The following ALDH9A1 variants were observed in gnomAD, a reference collection of about 807,000 sequenced individuals.
The protein encoded by ALDH9A1 is aldehyde dehydrogenase 9 family member A1, also known as 4-trimethylaminobutyraldehyde dehydrogenase.
ALDH9A1 carries 42 observed loss-of-function variants against 56.6 expected under a neutral mutation model. That is an observed-to-expected ratio of 0.74 (90% CI 0.58 to 0.96). The LOEUF (loss-of-function observed/expected upper bound fraction) is 0.96, where lower values mean the gene tolerates loss of function less well. Ranked by LOEUF, ALDH9A1 falls within the 40% of genes least tolerant of loss-of-function variation. ALDH9A1 has a pLI of 0.00. For missense variants in ALDH9A1, 661 were observed against 651.5 expected (o/e 1.01, Z -0.16); for synonymous variants, 242 against 236.0 (o/e 1.03, Z -0.23).
chr1:165,692,980 A>T (rs1358422755), intron 2 of ALDH9A1, among the ~76,000 whole-genome samples: 2 of 151,978 alleles, frequency 1.3e-5, no homozygotes. Flanking sequence ...TTCCCTATTT[A>T]ATAAATGGTG....
chr1:165,665,309 C>A, intron 9 of ALDH9A1, 179 bp from the exon 10 acceptor site: 1 of 569,590 alleles, frequency 1.8e-6, no homozygotes, highest in South Asian at 2.2e-5. Flanking sequence ...TTTATAGTCC[C>A]ATGCACATGG....
At chr1:165,695,173 A>G (rs559518215) in intron 2 of ALDH9A1, 79 bp downstream of exon 2, 2 of 1,452,214 alleles carry the variant, frequency 1.4e-6, no homozygotes, top group African/African-American at 1.5e-5. Flanking sequence ...CTAATGTTGC[A>G]ACAAAGTCGA....
intron 6 of ALDH9A1, 152 bp from the exon 7 acceptor site, chr1:165,669,602 TGAATAA>T (rs2101736727): frequency 2.6e-6 from 2 of 758,100 alleles, no homozygotes; most frequent in East Asian, 2.9e-5. Flanking sequence ...GTCTCCATAC[TGAATAA>T]GAAGGATCAC....
At chr1:165,675,150 G>A (rs1395640532) in intron 6 of ALDH9A1, among the ~76,000 whole-genome samples, 2 of 152,076 alleles carry the variant, frequency 1.3e-5, no homozygotes, top group Non-Finnish European at 1.5e-5. Flanking sequence ...AACCAAGATC[G>A]TGTCACTGCA....
intron 6 of ALDH9A1, among the ~76,000 whole-genome samples, chr1:165,677,145 T>C (rs1329925241): frequency 2.7e-5 from 4 of 147,762 alleles, no homozygotes; most frequent in Admixed American, 6.7e-5. Flanking sequence ...GGCCGAGGCA[T>C]TTGGATCACT....
chr1:165,680,522 CTT>C lies in ALDH9A1; in HGVS notation c.752_753del (p.Lys251SerfsTer19), dbSNP rs779128532. 1.7e-5 allele frequency: 27 copies of C among 1,614,182 alleles called. No homozygotes were observed. The highest frequency in any genetic ancestry group is 2.2e-5 in the Non-Finnish European group (26 of 1,180,018). ...QFLCQHPDVA[K>X]VSFTGSVPTG... ...GTGGGCACACTTCCAGTGAAGGAGA[CTT>C]TGGCCACATCGGGATGCTGACACAG... On this transcript the variant is annotated frameshift_variant, in exon 5 of 11. Transcript: ENST00000354775. LOFTEE classifies it high-confidence loss of function.
At chr1:165,663,655 G>A (rs1053877838) in intron 10 of ALDH9A1, among the ~76,000 whole-genome samples, 11 of 152,214 alleles carry the variant, frequency 7.2e-5, no homozygotes, top group East Asian at 3.8e-4. Flanking sequence ...TTACTAGTGG[G>A]TGAGGTTACT....
At chr1:165,677,331 C>A (rs1332594202) in intron 6 of ALDH9A1, among the ~76,000 whole-genome samples, 1 of 152,114 alleles carries the variant, frequency 6.6e-6, no homozygotes, top group East Asian at 1.9e-4. Flanking sequence ...TGCACTCCGG[C>A]CTGGGCAACA....
chr1:165,664,802 G>C (rs985419404), intron 10 of ALDH9A1, among the ~76,000 whole-genome samples: 2 of 152,192 alleles, frequency 1.3e-5, no homozygotes, highest in African/African-American at 4.8e-5. Context: ...CTATACATCA[G>C]AACCCTCCAG....
In ALDH9A1 at chr1:165,680,689, T is replaced by TA; in HGVS notation, c.593-7dup. On this transcript the variant is annotated splice_region_variant and splice_polypyrimidine_tract_variant and intron_variant, in intron 4 of 10. Coordinates refer to ENST00000354775, the MANE Select transcript of ALDH9A1 (RefSeq NM_000696.4). ...TTTAAAGACCATGGCATTACCTGCA[T>TA]AAACCCAAGACACAAACATAAAAAG... 5 of 1,597,912 alleles carry TA rather than the reference T, an allele frequency of 3.1e-6. No homozygotes were observed. Among genetic ancestry groups the TA allele is most frequent in the Non-Finnish European group, 4.3e-6 (5 of 1,172,972 alleles).
In ALDH9A1 at chr1:165,675,773, T is replaced by C. The variant is rs139010505; in HGVS notation, c.930+3669A>G. Among the ~76,000 whole-genome samples, 1,099 of 151,924 alleles carry C rather than the reference T, an allele frequency of 7.2e-3. 13 individuals are homozygous for C. Among genetic ancestry groups the C allele is most frequent in the African/African-American group, 0.025 (1,049 of 41,398 alleles). On this transcript the variant is annotated intron_variant, in intron 6 of 10. Transcript: ENST00000354775. Reference sequence around the variant, plus strand: ...GTATCATAACCACACTGAAGGAGGGTGAAGGAAAGGTAGAACTGACCCAAG... The same window carrying C: ...GTATCATAACCACACTGAAGGAGGGCGAAGGAAAGGTAGAACTGACCCAAG...
chr1:165,671,653 T>C, intron 6 of ALDH9A1: 1 of 490,294 alleles, frequency 2.0e-6, no homozygotes, highest in South Asian at 1.5e-5. Context: ...ACTGTTTGGC[T>C]CGATATTATA....
At chr1:165,663,872 T>A (rs746282492) in intron 10 of ALDH9A1, among the ~76,000 whole-genome samples, 1 of 152,230 alleles carries the variant, frequency 6.6e-6, no homozygotes, top group African/African-American at 2.4e-5. Context: ...ACACAGCTGG[T>A]CAGGCCTGTT....
At chr1:165,664,593 A>C (rs985450284) in intron 10 of ALDH9A1, among the ~76,000 whole-genome samples, 2 of 152,240 alleles carry the variant, frequency 1.3e-5, no homozygotes, top group Admixed American at 6.5e-5. Flanking sequence ...GAGGAAACAA[A>C]GTTACTGAGC....
intron 6 of ALDH9A1, among the ~76,000 whole-genome samples, chr1:165,678,058 G>A (rs745834442): frequency 9.3e-5 from 14 of 150,746 alleles, no homozygotes; most frequent in South Asian, 2.1e-4. Context: ...AATAAAGGCC[G>A]GGTACAGTGG....
intron 2 of ALDH9A1, among the ~76,000 whole-genome samples, chr1:165,691,933 C>T (rs1444914911): frequency 5.3e-5 from 8 of 152,156 alleles, no homozygotes; most frequent in Non-Finnish European, 7.3e-5. Flanking sequence ...AATCAATAAA[C>T]GTAATCCATC....
intron 2 of ALDH9A1, among the ~76,000 whole-genome samples, chr1:165,685,388 T>C (rs1249999532): frequency 3.3e-5 from 5 of 152,228 alleles, no homozygotes; most frequent in East Asian, 1.9e-4. Flanking sequence ...TTTAACCTTT[T>C]TGAGCATTTT....
intron 7 of ALDH9A1, 37 bp downstream of exon 7, chr1:165,669,225 C>T: frequency 6.4e-7 from 1 of 1,550,618 alleles, no homozygotes; most frequent in Non-Finnish European, 8.7e-7. Context: ...GTAGTATAAT[C>T]TTCCCCAACC....
At chr1:165,681,805 A>T (rs12239517) in intron 4 of ALDH9A1, among the ~76,000 whole-genome samples, 11 of 152,248 alleles carry the variant, frequency 7.2e-5, no homozygotes, top group African/African-American at 2.7e-4. Flanking sequence ...AAGAGAACTT[A>T]TAAGTAGCAC....
Sources: gnomAD v4.1 joint callset for allele counts (sites outside exome capture counted in the v4.1 genomes callset) on GRCh38, gnomAD v4.1.1 for gene constraint, MANE v1.5 for transcripts, NCBI Gene and HGNC (gene_info 2026-07-23, HGNC 2026-07-21) for gene names.